Variants in AGBL3 observed in about 807,000 individuals in gnomAD.
The protein encoded by AGBL3 is AGBL carboxypeptidase 3.
Under a neutral mutation model 94.5 loss-of-function variants are expected in AGBL3, and 68 were observed. The ratio of observed to expected loss-of-function variants is 0.72; its 90% CI spans 0.59 to 0.88. The LOEUF is 0.88. Ranked by LOEUF, AGBL3 falls within the 40% of genes least tolerant of loss-of-function variation. AGBL3 has a pLI of 0.00. For missense variants in AGBL3, 934 were observed against 1,103.8 expected (o/e 0.85, Z 2.18); for synonymous variants, 354 against 370.7 (o/e 0.95, Z 0.52).
intron 12 of AGBL3, among the ~76,000 whole-genome samples, chr7:135,070,940 C>T (rs1444338725): frequency 6.6e-6 from 1 of 151,986 alleles, no homozygotes; most frequent in East Asian, 1.9e-4. Context: ...CAAATTGTCC[C>T]TGTTTGCAGA....
intron 5 of AGBL3, among the ~76,000 whole-genome samples, chr7:135,023,171 T>C (rs1814699375): frequency 6.6e-6 from 1 of 152,214 alleles, no homozygotes; most frequent in Non-Finnish European, 1.5e-5. Flanking sequence ...TACTTTTTCA[T>C]GTGCTATAGA....
chr7:135,102,659 G>A (rs939268765), intron 15 of AGBL3, among the ~76,000 whole-genome samples: 1 of 150,496 alleles, frequency 6.6e-6, no homozygotes, highest in Non-Finnish European at 1.5e-5. Flanking sequence ...TGCTTGGAAG[G>A]TTTTACCCCA....
intron 3 of AGBL3, among the ~76,000 whole-genome samples, chr7:134,990,960 A>C (rs1810163228): frequency 6.6e-6 from 1 of 152,096 alleles, no homozygotes; most frequent in African/African-American, 2.4e-5. Flanking sequence ...CAATCAATCC[A>C]GTTAGGTTGA....
chr7:134,990,680 G>A (rs943811828), intron 3 of AGBL3, among the ~76,000 whole-genome samples: 16 of 152,288 alleles, frequency 1.1e-4, no homozygotes, highest in Admixed American at 2.6e-4. Flanking sequence ...TTCTAAAGTG[G>A]CTATATCCTT....
At chr7:135,063,489 C>T (rs1197554208) in intron 12 of AGBL3, among the ~76,000 whole-genome samples, 3 of 151,764 alleles carry the variant, frequency 2.0e-5, no homozygotes, top group Non-Finnish European at 4.4e-5. Context: ...AAAAGATCTT[C>T]TTTTTTGATG....
chr7:135,011,142 A>C (rs1200437274), intron 4 of AGBL3: 1 of 152,204 alleles, frequency 6.6e-6, no homozygotes, highest in Non-Finnish European at 1.5e-5. Flanking sequence ...ATATATGGTC[A>C]TTATGACAAA....
At chr7:135,033,103 T>A in intron 6 of AGBL3, 121 bp downstream of exon 6, 1 of 1,018,654 alleles carries the variant, frequency 9.8e-7, no homozygotes, top group Non-Finnish European at 1.3e-6. Flanking sequence ...TGGATACTAT[T>A]AATAATTAGA....
Position 135,115,529 on chromosome 7 carries a change from A to G in AGBL3, c.2260A>G (p.Ile754Val), listed in dbSNP as rs1442425638. The G allele has an allele frequency of 1.9e-6, 3 of 1,551,552 alleles. No homozygotes were observed. The highest frequency in any genetic ancestry group is 1.7e-6 in the Non-Finnish European group (2 of 1,146,872). The stretch of plus-strand genomic sequence containing the variant: ...AGAAATATTGCAGTATTTGCTCCCC[A>G]TCGTGCATAGCACTAAAAACATGCA... ...TQEILQYLLP[I>V]VHSTKNMQTT... The change falls in exon 16 of 17, where the codon ATC becomes GTC. Residue 754 changes from isoleucine (I) to valine (V), a missense_variant. Physicochemically the swap from Ile to Val is conservative, Grantham distance 29. Transcript: ENST00000436302.
At chr7:135,107,597 A>C (rs1185854729) in intron 15 of AGBL3, among the ~76,000 whole-genome samples, 2 of 152,110 alleles carry the variant, frequency 1.3e-5, no homozygotes, top group African/African-American at 4.8e-5. Context: ...TTATGATTTC[A>C]GTTCTTTTGC....
chr7:134,990,889 G>C (rs770014621), intron 3 of AGBL3, among the ~76,000 whole-genome samples: 4 of 152,084 alleles, frequency 2.6e-5, no homozygotes, highest in Non-Finnish European at 4.4e-5. Flanking sequence ...TCCTACTCCT[G>C]GTTTTCCATT....
At chr7:135,038,395 T>C (rs1350061361) in intron 8 of AGBL3, among the ~76,000 whole-genome samples, 1 of 152,248 alleles carries the variant, frequency 6.6e-6, no homozygotes, top group Non-Finnish European at 1.5e-5. Context: ...GCTGAAGCTA[T>C]TGCTATGTAA....
rs1813416737 is a variant in AGBL3, at chr7:135,013,609, T to C, written c.311-3443T>C. 2.6e-5 allele frequency among the ~76,000 whole-genome samples: 4 copies of C among 152,184 alleles called. No homozygotes were observed. The South Asian group carries it at 6.2e-4, about 24-fold the overall frequency. ...CGTATACTTGAAGAAGACATTGTGG[T>C]TGACTCATTGTAGTTGATTCCACTG... is the stretch of plus-strand genomic sequence containing the variant. On this transcript the variant is annotated intron_variant, in intron 4 of 16. Transcript: ENST00000436302.
At chr7:135,085,381 AG>A in intron 15 of AGBL3, among the ~76,000 whole-genome samples, 1 of 151,962 alleles carries the variant, frequency 6.6e-6, no homozygotes, top group Non-Finnish European at 1.5e-5. Context: ...TATTTGCTTT[AG>A]TTGCCTGGGC....
intron 15 of AGBL3, among the ~76,000 whole-genome samples, chr7:135,082,091 G>T (rs1231549677): frequency 6.6e-6 from 1 of 152,120 alleles, no homozygotes; most frequent in Non-Finnish European, 1.5e-5. Flanking sequence ...TTGGTGACAA[G>T]TACTTTACTA....
rs778612740 is a variant in AGBL3 at position 134,989,328 on chromosome 7, T to C, written c.124+18T>C. 2.6e-6 allele frequency: 4 copies of C among 1,515,404 alleles called. No individual in the cohort carries two copies. The South Asian group carries it at 3.9e-5, about 15-fold the overall frequency. 93.9% of individuals were successfully genotyped at this position (1,515,404 alleles called of 1,614,324 possible). A position where few individuals can be genotyped will look rare whatever the true frequency, so the allele number is the denominator to read the frequency against. On this transcript the variant is annotated intron_variant, in intron 3 of 16. Coordinates refer to ENST00000436302, the MANE Select transcript of AGBL3 (RefSeq NM_178563.4). ...TTTAACAGGTTTGAACCTATTCATATAGTTTTTGTTTAGCATAAAACTTTG... is the reference window on the plus strand; with the variant it reads ...TTTAACAGGTTTGAACCTATTCATACAGTTTTTGTTTAGCATAAAACTTTG...
intron 15 of AGBL3, among the ~76,000 whole-genome samples, chr7:135,094,936 G>A (rs528478544): frequency 2.0e-5 from 3 of 152,296 alleles, no homozygotes; most frequent in African/African-American, 7.2e-5. Flanking sequence ...ACTGGGATCA[G>A]TTTCCTTGTA....
intron 4 of AGBL3, among the ~76,000 whole-genome samples, chr7:135,000,260 G>C (rs1317000747): frequency 1.3e-5 from 2 of 152,196 alleles, no homozygotes; most frequent in Non-Finnish European, 2.9e-5. Context: ...GGGATGCCCA[G>C]ATAGCTGGTA....
chr7:135,102,244 GA>G (rs1271997179), intron 15 of AGBL3, among the ~76,000 whole-genome samples: 1 of 152,106 alleles, frequency 6.6e-6, no homozygotes, highest in African/African-American at 2.4e-5. Context: ...AGCTTCAATG[GA>G]ACATAAAGTT....
rs55948149 is a variant in AGBL3 at position 135,048,753 on chromosome 7, G to GT, written c.1841+2854dup. Among the ~76,000 whole-genome samples, 1,159 of 145,006 alleles carry GT rather than the reference G, an allele frequency of 8.0e-3. 9 individuals are homozygous for GT. Among genetic ancestry groups the GT allele is most frequent in the African/African-American group, 0.021 (830 of 39,540 alleles). ...AGTTTATTGATTAGTTCTCACAGTT[G>GT]TTTTTTTTTTTTAATGGAGTCCATA... On this transcript the variant is annotated intron_variant, in intron 11 of 16. Transcript: ENST00000436302.
Sources: allele counts gnomAD v4.1 joint callset (sites outside exome capture counted in the v4.1 genomes callset), GRCh38; gene constraint gnomAD v4.1.1; transcripts MANE v1.5; gene names NCBI Gene and HGNC (gene_info 2026-07-23, HGNC 2026-07-21).